Variants in PTPN11 observed in about 807,000 individuals in gnomAD.
The protein encoded by PTPN11 is tyrosine-protein phosphatase non-receptor type 11.
Under a neutral mutation model 78.8 loss-of-function variants are expected in PTPN11, and 6 were observed. The observed-to-expected ratio is 0.08, with a 90% CI of 0.04 to 0.15. PTPN11 has a LOEUF of 0.15. Among genes scored for constraint, PTPN11 ranks in the 10% least tolerant of loss-of-function variants. The probability of loss-of-function intolerance (pLI) is 1.00; values close to 1 mark genes in which losing one functional copy is unlikely to be tolerated. For missense variants in PTPN11, 386 were observed against 744.8 expected (o/e 0.52, Z 5.61); for synonymous variants, 221 against 263.5 (o/e 0.84, Z 1.56).
chr12:112,454,431 T>C (rs976063349), intron 4 of PTPN11, 133 bp from the exon 5 acceptor site: 10 of 773,590 alleles, frequency 1.3e-5, no homozygotes, highest in Non-Finnish European at 2.0e-5. Context: ...ATTATCTGTC[T>C]TTTGATGGAC....
chr12:112,427,423 GT>G (rs918308405), intron 1 of PTPN11, among the ~76,000 whole-genome samples: 20 of 151,698 alleles, frequency 1.3e-4, no homozygotes, highest in African/African-American at 4.8e-4. Context: ...GTGGGTGCCT[GT>G]AGTCCCAGCT....
rs746719818 is a variant in PTPN11 at position 112,488,488 on chromosome 12, T to C, written c.1425T>C (p.Leu475=). The change falls in exon 12 of 16, where the codon CTT becomes CTC. Residue 475 remains leucine (L), a synonymous_variant. Transcript: ENST00000351677. ...RTGTFIVIDI[L]IDIIREKGVD... ...GGACGTTCATTGTGATTGATATTCT[T>C]ATTGACATCATCAGAGAGAAAGGTG... The C allele has an allele frequency of 6.2e-7, 1 of 1,612,448 alleles. No individual in the cohort carries two copies. The highest frequency in any genetic ancestry group is 1.1e-5 in the South Asian group (1 of 91,052).
chr12:112,455,845 G>T, intron 5 of PTPN11, 105 bp from the exon 6 acceptor site: 1 of 736,436 alleles, frequency 1.4e-6, no homozygotes, highest in South Asian at 1.6e-5. Flanking sequence ...CTCTGTCCGT[G>T]CCTTTATGAA....
chr12:112,470,116 C>T (rs2038392251), intron 6 of PTPN11, among the ~76,000 whole-genome samples: 1 of 152,054 alleles, frequency 6.6e-6, no homozygotes, highest in African/African-American at 2.4e-5. Flanking sequence ...GAAGCCAGCT[C>T]TCACCATATT....
chr12:112,443,673 G>A (rs1470562124), intron 1 of PTPN11, among the ~76,000 whole-genome samples: 1 of 129,890 alleles, frequency 7.7e-6, no homozygotes, highest in African/African-American at 3.0e-5. Flanking sequence ...TTTTTTTTGA[G>A]ACAGGGTCTT....
At position 112,418,988 on chromosome 12, in the gene PTPN11, G is replaced by A. The variant is rs973028937; in HGVS notation, c.-124G>A. ...AGGCCTGGAGGGGGGTCTGTGCGCG[G>A]CCGGCTGGCTCTGCCCCGCGTCCGG... is the stretch of plus-strand genomic sequence containing the variant. On this transcript the variant is annotated 5_prime_UTR_variant, in exon 1 of 16. Transcript: ENST00000351677. The A allele has an allele frequency of 2.4e-6, 3 of 1,268,564 alleles. No individual in the cohort carries two copies. Among genetic ancestry groups the A allele is most frequent in the Non-Finnish European group, 3.3e-6 (3 of 912,128 alleles). 78.6% of individuals were successfully genotyped at this position (1,268,564 alleles called of 1,614,324 possible). A position where few individuals can be genotyped will look rare whatever the true frequency, so the allele number is the denominator to read the frequency against.
In PTPN11 at chr12:112,509,177, G is replaced by C. The variant is rs2038970787; in HGVS notation, c.*3385G>C. ...GATGCCTTTGTTAGGATCTGTATTT[G>C]CCCTTAATTTTGTTGAAATCTTTTT... On this transcript the variant is annotated 3_prime_UTR_variant, in exon 16 of 16. Transcript: ENST00000351677. 1 of 152,190 alleles carries C rather than the reference G, an allele frequency of 6.6e-6. No homozygotes were observed. Among genetic ancestry groups the C allele is most frequent in the Admixed American group, 6.5e-5 (1 of 15,278 alleles). The allele number at this position is 152,190 out of a possible 1,614,324, so 9.4% of individuals were successfully genotyped here. A position where few individuals can be genotyped will look rare whatever the true frequency, so the allele number is the denominator to read the frequency against.
chr12:112,440,282 C>CT (rs1177069975), intron 1 of PTPN11, among the ~76,000 whole-genome samples: 8 of 150,950 alleles, frequency 5.3e-5, no homozygotes, highest in Admixed American at 4.0e-4. Context: ...CTCAATTTTC[C>CT]TTTTTTTTTG....
At chr12:112,485,143 G>T (rs549774337) in intron 10 of PTPN11, among the ~76,000 whole-genome samples, 2 of 152,126 alleles carry the variant, frequency 1.3e-5, no homozygotes, top group South Asian at 4.2e-4. Context: ...CAGCTACTCG[G>T]GAGTCGAGTC....
At chr12:112,487,611 T>G (rs2038695769) in intron 11 of PTPN11, among the ~76,000 whole-genome samples, 1 of 152,174 alleles carries the variant, frequency 6.6e-6, no homozygotes, top group African/African-American at 2.4e-5. Context: ...CTGGGGAATA[T>G]TGGGTTTCCT....
intron 5 of PTPN11, 98 bp from the exon 6 acceptor site, chr12:112,455,852 T>G (rs2038150873): frequency 1.3e-6 from 1 of 780,464 alleles, no homozygotes; most frequent in Non-Finnish European, 2.2e-6. Flanking sequence ...CGTGCCTTTA[T>G]GAATATCAAC....
chr12:112,427,780 C>A (rs192224410), intron 1 of PTPN11, among the ~76,000 whole-genome samples: 2 of 151,668 alleles, frequency 1.3e-5, no homozygotes, highest in Admixed American at 6.6e-5. Context: ...GAGACAAGGT[C>A]TTGCTCTGTC....
intron 3 of PTPN11, 64 bp downstream of exon 3, chr12:112,450,576 A>G (rs2038066492): frequency 1.4e-6 from 2 of 1,479,794 alleles, no homozygotes; most frequent in African/African-American, 1.4e-5. Flanking sequence ...TCAGAAATGC[A>G]TGACGGTCTG....
At chr12:112,503,244 A>G (rs1248887353) in intron 14 of PTPN11, among the ~76,000 whole-genome samples, 1 of 152,124 alleles carries the variant, frequency 6.6e-6, no homozygotes, top group Non-Finnish European at 1.5e-5. Flanking sequence ...ATCCTTCCCG[A>G]CTCCTTGTTG....
chr12:112,494,151 C>T (rs2038787095), intron 13 of PTPN11, among the ~76,000 whole-genome samples: 1 of 152,088 alleles, frequency 6.6e-6, no homozygotes, highest in Admixed American at 6.6e-5. Context: ...CTACTTGGGA[C>T]ACTGAGGCAG....
At chr12:112,505,677 A>C (rs922255707) in intron 15 of PTPN11, 148 bp from the exon 16 acceptor site, 7 of 152,464 alleles carry the variant, frequency 4.6e-5, no homozygotes, top group Non-Finnish European at 7.3e-5. Context: ...AAAAAAAAAA[A>C]AAAACTCAGT....
At chr12:112,486,680 C>A in intron 11 of PTPN11, 51 bp downstream of exon 11, 2 of 1,604,246 alleles carry the variant, frequency 1.2e-6, no homozygotes, top group Non-Finnish European at 1.7e-6. Flanking sequence ...TGTCTCCTAG[C>A]GCCCAGGGCT....
At chr12:112,495,633 A>T (rs1309248802) in intron 13 of PTPN11, among the ~76,000 whole-genome samples, 4 of 152,226 alleles carry the variant, frequency 2.6e-5, no homozygotes, top group African/African-American at 9.6e-5. Flanking sequence ...ATGGGGTTAC[A>T]GCCTGATAAG....
intron 1 of PTPN11, among the ~76,000 whole-genome samples, chr12:112,430,960 G>A (rs189767853): frequency 2.0e-5 from 3 of 152,214 alleles, no homozygotes; most frequent in Non-Finnish European, 4.4e-5. Flanking sequence ...CACCGATTGG[G>A]TGAGAAGAGA....
Sources: gnomAD v4.1 joint callset for allele counts (sites outside exome capture counted in the v4.1 genomes callset) on GRCh38, gnomAD v4.1.1 for gene constraint, MANE v1.5 for transcripts, NCBI Gene and HGNC (gene_info 2026-07-23, HGNC 2026-07-21) for gene names.